The following LPAR5 variants were observed in gnomAD, a reference collection of about 807,000 sequenced individuals.
LPAR5 encodes lysophosphatidic acid receptor 5.
For synonymous variants in LPAR5, 271 were observed against 261.6 expected (o/e 1.04, Z -0.35); for missense variants, 544 against 521.8 (o/e 1.04, Z -0.41).
intron 1 of LPAR5, among the ~76,000 whole-genome samples, chr12:6,628,153 C>G (rs1948955789): frequency 6.6e-6 from 1 of 151,512 alleles, no homozygotes; most frequent in African/African-American, 2.4e-5. Context: ...TCCCGAGTAG[C>G]TGGGACTACA....
In LPAR5 at chr12:6,620,644, A is replaced by G. The variant is rs1342127080; in HGVS notation, c.605T>C (p.Leu202Pro). 7.1e-6 allele frequency: 11 copies of G among 1,554,946 alleles called. No individual in the cohort carries two copies. The highest frequency in any genetic ancestry group is 9.6e-6 in the Non-Finnish European group (11 of 1,149,862). The change falls in exon 2 of 2, where the codon CTG becomes CCG. Residue 202 changes from leucine to proline, a missense_variant. Leu to Pro is a moderately conservative substitution (Grantham distance 98). Transcript: ENST00000329858. This position sits in a 1 kb window ranked among gnomAD's most constrained non-coding sequence, Gnocchi z 6.8. ...VLLAEALGFL[L>P]PLAAVVYSSG... Reference sequence around the variant, plus strand: ...CGAGTAGACCACCGCCGCCAGGGGCAGCAGGAAGCCCAGCGCCTCGGCCAG... The same window carrying G: ...CGAGTAGACCACCGCCGCCAGGGGCGGCAGGAAGCCCAGCGCCTCGGCCAG...
At chr12:6,626,525 T>A (rs988951042) in intron 1 of LPAR5, among the ~76,000 whole-genome samples, 2 of 152,228 alleles carry the variant, frequency 1.3e-5, no homozygotes, top group Non-Finnish European at 2.9e-5. Context: ...ATACTTCCTC[T>A]GCAAAATACC....
rs1166887644 is a variant in LPAR5, at chr12:6,621,359, C to G, written c.-111G>C. 3.7e-6 allele frequency: 4 copies of G among 1,087,984 alleles called. No individual in the cohort carries two copies. The highest frequency in any genetic ancestry group is 4.9e-6 in the Non-Finnish European group (4 of 819,372). 67.4% of individuals were successfully genotyped at this position (1,087,984 alleles called of 1,614,324 possible). On this transcript the variant is annotated 5_prime_UTR_variant, in exon 2 of 2. Transcript: ENST00000329858. ...GCCTAGAGGCTGTACAGACATGGTC[C>G]CAAAACAAGCAGAGGGAGGTCATGG...
chr12:6,635,859 T>TG (rs1949005571), intron 1 of LPAR5, 48 bp downstream of exon 1: 1 of 150,908 alleles, frequency 6.6e-6, no homozygotes, highest in East Asian at 2.0e-4. Context: ...TACAGGGGGG[T>TG]GCTCCCCTTG....
In LPAR5 at chr12:6,620,187, G is replaced by A. The variant is rs771674733; in HGVS notation, c.1062C>T (p.Pro354=). ...AGGAAGACAGAGAGTGGGAGTCGGA[G>A]GGTCGGAGCAGCCCCTGACTGGCGG... ...PDAASQGLLR[P]SDSHSLSSFT... Residue 354 remains proline, a synonymous_variant, in exon 2 of 2, where the codon CCC becomes CCT. Coordinates refer to ENST00000329858, the MANE Select transcript of LPAR5 (RefSeq NM_020400.6). This position sits in a 1 kb window ranked among gnomAD's most constrained non-coding sequence, Gnocchi z 6.8. The A allele has an allele frequency of 8.1e-6, 13 of 1,613,264 alleles. No homozygotes were observed. The highest frequency in any genetic ancestry group is 1.1e-5 in the Non-Finnish European group (13 of 1,179,494).
chr12:6,635,353 A>G (rs1056965949), intron 1 of LPAR5, among the ~76,000 whole-genome samples: 9 of 152,190 alleles, frequency 5.9e-5, no homozygotes, highest in African/African-American at 1.9e-4. Context: ...CCCCTTATAT[A>G]GATGCACCTT....
chr12:6,630,384 A>G (rs1182278956), intron 1 of LPAR5, among the ~76,000 whole-genome samples: 7 of 145,606 alleles, frequency 4.8e-5, no homozygotes, highest in South Asian at 4.5e-4. Context: ...CGGCTTCCCA[A>G]AGTGCTGGGT....
rs187536858 is a variant in LPAR5 at position 6,620,368 on chromosome 12, G to T, written c.881C>A (p.Pro294Gln). 8 of 1,611,696 alleles carry T rather than the reference G, an allele frequency of 5.0e-6. No individual in the cohort carries two copies. In the Admixed American group the frequency reaches 1.3e-4, roughly 27 times the overall value. ...CTCGGCGCTAAAGTAGTACACCAGC[G>T]GGTCCAGCACGCAGTTGGCGCCGGC... ...LLAGANCVLD[P>Q]LVYYFSAEGF... is the part of the protein sequence containing the mutation. The change falls in exon 2 of 2, where the codon CCG becomes CAG. Residue 294 changes from proline to glutamine, a missense_variant. Physicochemically the swap from Pro to Gln is moderately conservative, Grantham distance 76 (BLOSUM62 -1). Coordinates refer to ENST00000329858, the MANE Select transcript of LPAR5 (RefSeq NM_020400.6). The surrounding 1 kb of genome is among the most constrained non-coding windows in gnomAD (Gnocchi z 6.8).
chr12:6,632,719 T>C (rs1332360266), intron 1 of LPAR5, among the ~76,000 whole-genome samples: 1 of 152,192 alleles, frequency 6.6e-6, no homozygotes, highest in African/African-American at 2.4e-5. Context: ...TTTCTTCCGC[T>C]TATCCTGGTC....
chr12:6,630,959 A>G (rs1948977376), intron 1 of LPAR5, among the ~76,000 whole-genome samples: 1 of 152,202 alleles, frequency 6.6e-6, no homozygotes, highest in South Asian at 2.1e-4. Context: ...AAAACTGCCA[A>G]AAAGGAGGCT....
At chr12:6,624,010 C>G (rs751280335) in intron 1 of LPAR5, among the ~76,000 whole-genome samples, 3 of 152,104 alleles carry the variant, frequency 2.0e-5, no homozygotes, top group Non-Finnish European at 4.4e-5. Flanking sequence ...AACATCCCAG[C>G]CTTACGCATC....
rs181455437 is a variant in LPAR5 at position 6,622,738 on chromosome 12, G to A, written c.-216-1274C>T. On this transcript the variant is annotated intron_variant, in intron 1 of 1. Transcript: ENST00000329858. ...GGCCTGGGTGACAGAGCAAGACTCT[G>A]TCTCAAAAAAAAATAAAATAAAAAA... Among the ~76,000 whole-genome samples the A allele has an allele frequency of 5.8e-3, 884 of 151,264 alleles. 28 individuals carry two copies. The highest frequency in any genetic ancestry group is 0.054 in the Admixed American group (814 of 15,192).
chr12:6,625,491 G>A (rs1393162525), intron 1 of LPAR5, among the ~76,000 whole-genome samples: 1 of 150,548 alleles, frequency 6.6e-6, no homozygotes, highest in Non-Finnish European at 1.5e-5. Context: ...GGAGGCCAAG[G>A]CGGGCGGATC....
chr12:6,625,407 A>AGAGC (rs1555076266), intron 1 of LPAR5, among the ~76,000 whole-genome samples: 4 of 117,180 alleles, frequency 3.4e-5, no homozygotes, highest in African/African-American at 9.8e-5. Flanking sequence ...CCTGGGCAAC[A>AGAGC]GAGACTCCGT....
chr12:6,625,601 T>A (rs1592299435), intron 1 of LPAR5, among the ~76,000 whole-genome samples: 1 of 150,654 alleles, frequency 6.6e-6, no homozygotes, highest in Non-Finnish European at 1.5e-5. Flanking sequence ...TGGGCGCCTG[T>A]AGTCCCAGTT....
chr12:6,620,908 A>G lies in LPAR5; in HGVS notation c.341T>C (p.Leu114Pro). Residue 114 changes from leucine (L) to proline (P), a missense_variant, in exon 2 of 2, where the codon CTC (leucine) becomes CCC (proline). Transcript: ENST00000329858. This position sits in a 1 kb window ranked among gnomAD's most constrained non-coding sequence, Gnocchi z 6.8. ...NMYGSCIFLM[L>P]INVDRYAAIV... is the part of the protein sequence containing the mutation. ...GGCGGCGTAGCGGTCCACGTTGATGAGCATCAGGAAGATGCAGCTGCCGTA... is the reference window on the plus strand; with the variant it reads ...GGCGGCGTAGCGGTCCACGTTGATGGGCATCAGGAAGATGCAGCTGCCGTA... 1 of 1,596,014 alleles carries G rather than the reference A, an allele frequency of 6.3e-7. No individual in the cohort carries two copies. The highest frequency in any genetic ancestry group is 2.3e-5 in the East Asian group (1 of 44,014).
At position 6,620,523 on chromosome 12, in the gene LPAR5, G is replaced by A. The variant is rs757917992; in HGVS notation, c.726C>T (p.Ile242=). 1.3e-6 allele frequency: 2 copies of A among 1,579,904 alleles called. No individual in the cohort carries two copies. Among genetic ancestry groups the A allele is most frequent in the Admixed American group, 3.7e-5 (2 of 54,408 alleles). ...TVRLLLANLV[I]FLLCFVPYNS... ...TGTAGGGCACGAAGCACAGCAGGAA[G>A]ATGACGAGGTTAGCCAGCAGGAGGC... The change falls in exon 2 of 2, where the codon ATC becomes ATT. Residue 242 remains isoleucine, a synonymous_variant. Coordinates refer to ENST00000329858, the MANE Select transcript of LPAR5 (RefSeq NM_020400.6). The surrounding 1 kb of genome is among the most constrained non-coding windows in gnomAD (Gnocchi z 6.8).
At chr12:6,626,505 G>T (rs1948941119) in intron 1 of LPAR5, among the ~76,000 whole-genome samples, 1 of 152,114 alleles carries the variant, frequency 6.6e-6, no homozygotes, top group African/African-American at 2.4e-5. Context: ...CAGTTAAAGG[G>T]AATAAAGAAA....
In LPAR5 at chr12:6,620,854, A is replaced by C; in HGVS notation, c.395T>G (p.Leu132Arg). 2 of 1,565,144 alleles carry C rather than the reference A, an allele frequency of 1.3e-6. No homozygotes were observed. The highest frequency in any genetic ancestry group is 1.2e-5 in the South Asian group (1 of 86,214). ...CAGCCGCGCCACGCGGGGCCGCCGCAGGTGGCGCAGTCGCAGCGGGTGCAC... is the reference window on the plus strand; with the variant it reads ...CAGCCGCGCCACGCGGGGCCGCCGCCGGTGGCGCAGTCGCAGCGGGTGCAC... ...AIVHPLRLRH[L>R]RRPRVARLLC... is the part of the protein sequence containing the mutation. Residue 132 changes from leucine (L) to arginine (R), a missense_variant, in exon 2 of 2, where the codon CTG (leucine) becomes CGG (arginine). Physicochemically the swap from Leu to Arg is moderately radical, Grantham distance 102. Transcript: ENST00000329858. The surrounding 1 kb of genome is among the most constrained non-coding windows in gnomAD (Gnocchi z 6.8).
Sources: allele counts gnomAD v4.1 joint callset (sites outside exome capture counted in the v4.1 genomes callset), GRCh38; gene constraint gnomAD v4.1.1; non-coding constraint Gnocchi (gnomAD v3.1); transcripts MANE v1.5; gene names NCBI Gene and HGNC (gene_info 2026-07-23, HGNC 2026-07-21).